The following CADPS variants were observed in gnomAD, a reference collection of about 807,000 sequenced individuals.
CADPS encodes the protein calcium-dependent secretion activator 1.
In CADPS, 57 loss-of-function variants were observed where a neutral mutation model predicts 167.3. That is an observed-to-expected ratio of 0.34 (90% CI 0.28 to 0.42). The LOEUF is 0.42. Among genes scored for constraint, CADPS ranks in the 20% least tolerant of loss-of-function variants. The pLI is 1.00. For missense variants in CADPS, 1,414 were observed against 1,738.1 expected, an observed-to-expected ratio of 0.81 and a Z score of 3.32; for synonymous variants, 676 against 635.3, an observed-to-expected ratio of 1.06 and a Z score of -0.96.
intron 6 of CADPS, among the ~76,000 whole-genome samples, chr3:62,618,381 G>T (rs2062663661): frequency 6.6e-6 from 1 of 152,132 alleles, no homozygotes; most frequent in Non-Finnish European, 1.5e-5. Flanking sequence ...CAGAAATGGG[G>T]TTCTGCACCT....
At chr3:62,529,260 AAC>A (rs773199106) in intron 13 of CADPS, among the ~76,000 whole-genome samples, 2 of 152,342 alleles carry the variant, frequency 1.3e-5, no homozygotes, top group African/African-American at 4.8e-5. Context: ...ATGCAATGCA[AAC>A]AAAGATTCTG....
chr3:62,833,636 T>C (rs2075455955), intron 1 of CADPS, among the ~76,000 whole-genome samples: 1 of 152,066 alleles, frequency 6.6e-6, no homozygotes, highest in Non-Finnish European at 1.5e-5. Context: ...TTAACTGATA[T>C]TAAAGAACAA....
chr3:62,417,276 CTT>C (rs11353455), intron 28 of CADPS, among the ~76,000 whole-genome samples: 9,031 of 63,668 alleles, frequency 0.14, 2,766 homozygotes, highest in Non-Finnish European at 0.17. Flanking sequence ...TTCTTTTACT[CTT>C]TTTTTTTTTT....
In CADPS at chr3:62,465,155, T is replaced by A. The variant is rs1282020825; in HGVS notation, c.3636+212A>T. On this transcript the variant is annotated intron_variant, in intron 26 of 29. Coordinates refer to ENST00000383710, the MANE Select transcript of CADPS (RefSeq NM_003716.4). This position sits in a 1 kb window ranked among gnomAD's most constrained non-coding sequence, Gnocchi z 4.1. ...TGTGTGTTCATAAAAAATACACACATATTGTACCTTTACAAATGAAATAGA... is the reference window on the plus strand; with the variant it reads ...TGTGTGTTCATAAAAAATACACACAAATTGTACCTTTACAAATGAAATAGA... 1.3e-5 allele frequency among the ~76,000 whole-genome samples: 2 copies of A among 152,214 alleles called. No homozygotes were observed. Among genetic ancestry groups the A allele is most frequent in the Non-Finnish European group, 2.9e-5 (2 of 68,036 alleles).
intron 24 of CADPS, chr3:62,470,803 C>T (rs969278323): frequency 6.6e-6 from 1 of 151,842 alleles, no homozygotes; most frequent in African/African-American, 2.4e-5. Context: ...ATTGGATGGG[C>T]CCTTAATAAA....
chr3:62,500,198 C>T (rs1241681149), intron 17 of CADPS: 1 of 152,060 alleles, frequency 6.6e-6, no homozygotes, highest in East Asian at 1.9e-4. Context: ...TTCTGTTGCC[C>T]AGGCTGGAGG....
At chr3:62,635,613 C>T (rs893128488) in intron 6 of CADPS, among the ~76,000 whole-genome samples, 1 of 149,568 alleles carries the variant, frequency 6.7e-6, no homozygotes, top group Admixed American at 6.7e-5. Flanking sequence ...AGCACTCATA[C>T]AATGGGTTCA....
chr3:62,768,541 A>T (rs2087575333), intron 1 of CADPS, among the ~76,000 whole-genome samples: 2 of 152,194 alleles, frequency 1.3e-5, no homozygotes, highest in Admixed American at 1.3e-4. Context: ...GTGCTCATTT[A>T]GTTAAGAAAT....
intron 27 of CADPS, among the ~76,000 whole-genome samples, chr3:62,443,169 G>T (rs533321371): frequency 5.3e-5 from 8 of 152,288 alleles, no homozygotes; most frequent in African/African-American, 1.9e-4. Flanking sequence ...ATTTGTAAGG[G>T]CATTGGCTTA....
intron 17 of CADPS, among the ~76,000 whole-genome samples, chr3:62,507,579 A>G (rs1302520829): frequency 6.6e-6 from 1 of 152,058 alleles, no homozygotes; most frequent in African/African-American, 2.4e-5. Context: ...CAATTTGAAT[A>G]CCTCTTATAT....
intron 1 of CADPS, among the ~76,000 whole-genome samples, chr3:62,815,293 TA>T (rs5849502): frequency 0.91 from 136,396 of 149,888 alleles, 62,147 homozygotes; most frequent in East Asian, 0.98. Flanking sequence ...TACTGCTACA[TA>T]AAAAAAAAAA....
At chr3:62,833,049 C>T (rs1442677865) in intron 1 of CADPS, among the ~76,000 whole-genome samples, 2 of 152,174 alleles carry the variant, frequency 1.3e-5, no homozygotes, top group Non-Finnish European at 2.9e-5. Flanking sequence ...GAAAGCCACA[C>T]GGTGCCTTCT....
In CADPS at chr3:62,544,646, G is replaced by A. The variant is rs1043881774; in HGVS notation, c.1966+5257C>T. ...ATGCCAATATGAAAGCCAAGGAGAG[G>A]AGGCAATTATGCACACATCACATGC... On this transcript the variant is annotated intron_variant, in intron 11 of 29. Transcript: ENST00000383710. This position sits in a 1 kb window ranked among gnomAD's most constrained non-coding sequence, Gnocchi z 4.4. Among the ~76,000 whole-genome samples the A allele has an allele frequency of 2.6e-5, 4 of 152,066 alleles. No individual in the cohort carries two copies. The highest frequency in any genetic ancestry group is 9.7e-5 in the African/African-American group (4 of 41,410).
At chr3:62,518,113 TCTC>T in intron 14 of CADPS, 33 bp downstream of exon 14, 3 of 1,421,320 alleles carry the variant, frequency 2.1e-6, no homozygotes, top group Non-Finnish European at 3.0e-6. Flanking sequence ...CCCACTCTCA[TCTC>T]CTAATTAAAG....
chr3:62,584,319 T>C (rs1005542706), intron 8 of CADPS, among the ~76,000 whole-genome samples: 8 of 152,214 alleles, frequency 5.3e-5, no homozygotes, highest in African/African-American at 1.9e-4. Context: ...AACCCTCATT[T>C]TTAATGGCAC....
chr3:62,617,299 A>C (rs1216208420), intron 6 of CADPS, among the ~76,000 whole-genome samples: 1 of 152,148 alleles, frequency 6.6e-6, no homozygotes, highest in East Asian at 1.9e-4. Context: ...GGGATTTGGG[A>C]ACCCATTACT....
chr3:62,729,596 C>A (rs972613785), intron 3 of CADPS, among the ~76,000 whole-genome samples: 1 of 151,868 alleles, frequency 6.6e-6, no homozygotes, highest in East Asian at 1.9e-4. Flanking sequence ...CTCAATTTCA[C>A]AATCTTTAAA....
At chr3:62,419,716 T>G (rs1195187378) in intron 28 of CADPS, among the ~76,000 whole-genome samples, 1 of 151,986 alleles carries the variant, frequency 6.6e-6, no homozygotes, top group East Asian at 1.9e-4. Context: ...GCATTTAGAG[T>G]GAACTGCATT....
intron 11 of CADPS, among the ~76,000 whole-genome samples, chr3:62,537,860 A>G (rs2075007004): frequency 6.6e-6 from 1 of 151,948 alleles, no homozygotes; most frequent in African/African-American, 2.4e-5. Flanking sequence ...TCAAACCTAA[A>G]TCCATGGTAT....
Sources: gnomAD v4.1 joint callset for allele counts (sites outside exome capture counted in the v4.1 genomes callset) on GRCh38, gnomAD v4.1.1 for gene constraint, Gnocchi (gnomAD v3.1) non-coding constraint, MANE v1.5 for transcripts, NCBI Gene and HGNC (gene_info 2026-07-23, HGNC 2026-07-21) for gene names.